The following CSRNP3 variants were observed in gnomAD, a reference collection of about 807,000 sequenced individuals.
CSRNP3 encodes the protein cysteine/serine-rich nuclear protein 3.
CSRNP3 carries 12 observed loss-of-function variants against 48.0 expected under a neutral mutation model. The observed-to-expected ratio is 0.25, with a 90% CI of 0.16 to 0.41. The LOEUF is 0.41. CSRNP3 is among the 10% of genes least tolerant of loss of function. CSRNP3 has a pLI of 1.00. For synonymous variants in CSRNP3, 263 were observed against 269.7 expected, an observed-to-expected ratio of 0.98 and a Z score of 0.24; for missense variants, 580 against 724.4, an observed-to-expected ratio of 0.80 and a Z score of 2.29.
chr2:165,645,886 TG>T (rs1686802904), intron 4 of CSRNP3, among the ~76,000 whole-genome samples: 1 of 151,794 alleles, frequency 6.6e-6, no homozygotes, highest in African/African-American at 2.4e-5. Context: ...TTTTTTGTTT[TG>T]TTTTGTTTTG....
At chr2:165,538,116 G>A (rs2105249747) in intron 3 of CSRNP3, among the ~76,000 whole-genome samples, 1 of 151,934 alleles carries the variant, frequency 6.6e-6, no homozygotes, top group East Asian at 1.9e-4. Flanking sequence ...GTTCACTGGT[G>A]GCTACAATTC....
intron 4 of CSRNP3, among the ~76,000 whole-genome samples, chr2:165,622,006 T>G (rs865903389): frequency 1.3e-5 from 2 of 152,312 alleles, no homozygotes; most frequent in Middle Eastern, 6.8e-3. Context: ...GGCAGAGCTT[T>G]CTTCTTTGAG....
intron 5 of CSRNP3, among the ~76,000 whole-genome samples, chr2:165,671,126 G>A (rs972815212): frequency 1.3e-5 from 2 of 152,130 alleles, no homozygotes; most frequent in South Asian, 4.1e-4. Context: ...ACTGAAAGAG[G>A]AGTCAGGAAA....
rs553138250 is a variant in CSRNP3, at chr2:165,687,244, C to G, written c.*7491C>G. ...GAAATCAGATTTTTAAAGAAAGACA[C>G]GGATTCAGAGACAATGGTCTGTAAC... On this transcript the variant is annotated 3_prime_UTR_variant, in exon 7 of 7. Transcript: ENST00000651982. 1 of 152,150 alleles carries G rather than the reference C, an allele frequency of 6.6e-6. No individual in the cohort carries two copies. The highest frequency in any genetic ancestry group is 6.6e-5 in the Admixed American group (1 of 15,256). The allele number at this position is 152,150 out of a possible 1,614,324, so 9.4% of individuals were successfully genotyped here. A position where few individuals can be genotyped will look rare whatever the true frequency, so the allele number is the denominator to read the frequency against.
chr2:165,557,133 T>C (rs748145537), intron 3 of CSRNP3, among the ~76,000 whole-genome samples: 4 of 152,166 alleles, frequency 2.6e-5, no homozygotes, highest in African/African-American at 7.2e-5. Context: ...CTTTAAATAG[T>C]GGTTTAAATT....
At chr2:165,528,810 G>A (rs1302828580) in intron 3 of CSRNP3, among the ~76,000 whole-genome samples, 1 of 152,220 alleles carries the variant, frequency 6.6e-6, no homozygotes, top group Non-Finnish European at 1.5e-5. Context: ...GCCGGCTGCA[G>A]CAGGGAGGTG....
chr2:165,523,819 A>G (rs1684695114), intron 3 of CSRNP3, among the ~76,000 whole-genome samples: 1 of 152,114 alleles, frequency 6.6e-6, no homozygotes, highest in Non-Finnish European at 1.5e-5. Flanking sequence ...ATGCCCACAA[A>G]AGTTCTTGAT....
At chr2:165,483,760 C>T (rs185539492) in intron 1 of CSRNP3, among the ~76,000 whole-genome samples, 4 of 152,282 alleles carry the variant, frequency 2.6e-5, no homozygotes, top group Admixed American at 1.3e-4. Flanking sequence ...CCTCATGTGG[C>T]AGGAAGGCAA....
rs555847069 is a variant in CSRNP3, at chr2:165,688,067, T to G, written c.*8314T>G. On this transcript the variant is annotated 3_prime_UTR_variant, in exon 7 of 7. Transcript: ENST00000651982. ...TTAAAAAAAAAAAAAAGGCTAATGCTATAGAATGATCATGTAAAGAATGTT... is the reference window on the plus strand; with the variant it reads ...TTAAAAAAAAAAAAAAGGCTAATGCGATAGAATGATCATGTAAAGAATGTT... The G allele has an allele frequency of 1.3e-5, 2 of 150,686 alleles. No homozygotes were observed. The highest frequency in any genetic ancestry group is 4.2e-4 in the South Asian group (2 of 4,786). 9.3% of individuals were successfully genotyped at this position (150,686 alleles called of 1,614,324 possible). A position where few individuals can be genotyped will look rare whatever the true frequency, so the allele number is the denominator to read the frequency against.
At chr2:165,472,320 T>TA (rs1303134294) in intron 1 of CSRNP3, among the ~76,000 whole-genome samples, 3 of 151,998 alleles carry the variant, frequency 2.0e-5, no homozygotes, top group African/African-American at 7.2e-5. Context: ...TTAATATGTA[T>TA]AAAAAATTAC....
chr2:165,560,436 T>G (rs983699223), intron 3 of CSRNP3, among the ~76,000 whole-genome samples: 6 of 152,206 alleles, frequency 3.9e-5, no homozygotes, highest in African/African-American at 1.4e-4. Context: ...TTTATAACTA[T>G]CATGAACAAT....
chr2:165,558,911 C>A (rs1052410722), intron 3 of CSRNP3, among the ~76,000 whole-genome samples: 4 of 152,136 alleles, frequency 2.6e-5, no homozygotes, highest in Non-Finnish European at 5.9e-5. Context: ...CATTATTAAT[C>A]TTCCGATAGG....
intron 4 of CSRNP3, among the ~76,000 whole-genome samples, chr2:165,645,539 A>G (rs1172826503): frequency 1.3e-5 from 2 of 152,170 alleles, no homozygotes; most frequent in East Asian, 3.9e-4. Context: ...TTGAAGTGCA[A>G]GCCCAATTTT....
rs560385044 is a variant in CSRNP3, at chr2:165,491,950, T to TAAAAAAAAAAA, written c.-282-2802_-282-2792dup. On this transcript the variant is annotated intron_variant, in intron 1 of 6. Coordinates refer to ENST00000651982, the MANE Select transcript of CSRNP3 (RefSeq NM_001172173.2). ...ATGTACCCTAAAACTTAAAGTATAA[T>TAAAAAAAAAAA]AAAAAAAAAAAAAAAAACAAAGCTA... Among the ~76,000 whole-genome samples, 3 of 104,588 alleles carry TAAAAAAAAAAA rather than the reference T, an allele frequency of 2.9e-5. 1 individual carries two copies. Among genetic ancestry groups the TAAAAAAAAAAA allele is most frequent in the South Asian group, 3.1e-4 (1 of 3,184 alleles). The allele number at this position is 104,588 out of a possible 152,430, so 68.6% of individuals were successfully genotyped here. A position where few individuals can be genotyped will look rare whatever the true frequency, so the allele number is the denominator to read the frequency against.
intron 3 of CSRNP3, among the ~76,000 whole-genome samples, chr2:165,580,771 A>G (rs1472162336): frequency 6.6e-6 from 1 of 152,206 alleles, no homozygotes; most frequent in East Asian, 1.9e-4. Context: ...GGACAAAGGG[A>G]AACTTTTTAA....
chr2:165,670,717 A>G (rs1687314132), intron 5 of CSRNP3, among the ~76,000 whole-genome samples: 1 of 152,208 alleles, frequency 6.6e-6, no homozygotes, highest in Admixed American at 6.5e-5. Context: ...GCTGTTATTA[A>G]TATTATGTCA....
At chr2:165,522,218 G>A (rs1429326986) in intron 3 of CSRNP3, among the ~76,000 whole-genome samples, 2 of 152,070 alleles carry the variant, frequency 1.3e-5, no homozygotes, top group Non-Finnish European at 2.9e-5. Context: ...CTTGAACCTG[G>A]AAGGTGGAGG....
intron 5 of CSRNP3, among the ~76,000 whole-genome samples, chr2:165,661,578 T>C (rs1463490344): frequency 2.6e-5 from 4 of 152,180 alleles, no homozygotes; most frequent in African/African-American, 9.7e-5. Context: ...TTTTGCACCA[T>C]CATAAACTCA....
In CSRNP3 at chr2:165,685,798, T is replaced by A. The variant is rs1217230774; in HGVS notation, c.*6045T>A. 6.6e-6 allele frequency: 1 copy of A among 152,124 alleles called. No homozygotes were observed. The highest frequency in any genetic ancestry group is 6.6e-5 in the Admixed American group (1 of 15,242). The allele number at this position is 152,124 out of a possible 1,614,324, so 9.4% of individuals were successfully genotyped here. On this transcript the variant is annotated 3_prime_UTR_variant, in exon 7 of 7. Coordinates refer to ENST00000651982, the MANE Select transcript of CSRNP3 (RefSeq NM_001172173.2). ...TGGCAGGACTAAAGTTTCAAAGGAA[T>A]GTGATAGAATTTATTTTGGATAACA...
Sources: gnomAD v4.1 joint callset for allele counts (sites outside exome capture counted in the v4.1 genomes callset) on GRCh38, gnomAD v4.1.1 for gene constraint, MANE v1.5 for transcripts, NCBI Gene and HGNC (gene_info 2026-07-23, HGNC 2026-07-21) for gene names.